Variants in THSD4 observed in about 807,000 individuals in gnomAD.
THSD4 encodes thrombospondin type 1 domain containing 4, also known as thrombospondin type-1 domain-containing protein 4.
In THSD4, 69 loss-of-function variants were observed where a neutral mutation model predicts 119.0. The ratio of observed to expected loss-of-function variants is 0.58; its 90% CI spans 0.48 to 0.71. The LOEUF (loss-of-function observed/expected upper bound fraction) is 0.71. Ranked by LOEUF, THSD4 falls within the 30% of genes least tolerant of loss-of-function variation. The pLI, the probability that THSD4 is intolerant of heterozygous loss-of-function variation, is 0.00. For synonymous variants in THSD4, 524 were observed against 540.4 expected (o/e 0.97, Z 0.42); for missense variants, 1,393 against 1,391.1 (o/e 1.00, Z -0.02).
chr15:71,248,009 A>G (rs951971602), intron 5 of THSD4, among the ~76,000 whole-genome samples: 1 of 152,244 alleles, frequency 6.6e-6, no homozygotes, highest in African/African-American at 2.4e-5. Context: ...TGATTGGCTC[A>G]TGCCTGTAAT....
intron 7 of THSD4, among the ~76,000 whole-genome samples, chr15:71,514,126 C>G (rs2048321087): frequency 6.6e-6 from 1 of 152,216 alleles, no homozygotes; most frequent in Admixed American, 6.5e-5. Context: ...TAGGGCCCCA[C>G]TGGCTACATC....
At chr15:71,429,798 GTC>G (rs944157176) in intron 7 of THSD4, among the ~76,000 whole-genome samples, 1 of 152,180 alleles carries the variant, frequency 6.6e-6, no homozygotes, top group African/African-American at 2.4e-5. Flanking sequence ...CATTAAACCA[GTC>G]TCTCATTCCT....
Position 71,524,426 on chromosome 15 carries a change from C to T in THSD4, c.1152+112603C>T, listed in dbSNP as rs568792273. Among the ~76,000 whole-genome samples the T allele has an allele frequency of 3.9e-5, 6 of 152,216 alleles. No individual in the cohort carries two copies. The South Asian group carries it at 1.0e-3, about 26-fold the overall frequency. On this transcript the variant is annotated intron_variant, in intron 7 of 17. Coordinates refer to ENST00000261862, the MANE Select transcript of THSD4 (RefSeq NM_024817.3). Reference sequence around the variant, plus strand: ...AGCAAGTATGTTTCACCCAGTGTGCCAACTCTGCTGCATTGGATGGCTGAC... The same window carrying T: ...AGCAAGTATGTTTCACCCAGTGTGCTAACTCTGCTGCATTGGATGGCTGAC...
At chr15:71,654,533 T>C (rs963288522) in intron 7 of THSD4, among the ~76,000 whole-genome samples, 2 of 152,210 alleles carry the variant, frequency 1.3e-5, no homozygotes, top group Non-Finnish European at 2.9e-5. Flanking sequence ...AAGAAGAATT[T>C]ACTGGATCAA....
chr15:71,219,233 G>A (rs1021680205), intron 4 of THSD4, among the ~76,000 whole-genome samples: 27 of 152,100 alleles, frequency 1.8e-4, no homozygotes, highest in Non-Finnish European at 3.2e-4. Context: ...TGACACCCAC[G>A]TCACACTCCA....
intron 3 of THSD4, among the ~76,000 whole-genome samples, chr15:71,211,484 A>C (rs1226844362): frequency 1.3e-5 from 2 of 151,872 alleles, no homozygotes; most frequent in African/African-American, 2.4e-5. Context: ...TCTCTTCCTT[A>C]CTCTGGTCTC....
At chr15:71,279,444 C>A (rs2044627164) in intron 6 of THSD4, among the ~76,000 whole-genome samples, 1 of 152,208 alleles carries the variant, frequency 6.6e-6, no homozygotes, top group Admixed American at 6.5e-5. Flanking sequence ...TGCTCTCCCA[C>A]CCTTGGTGAT....
intron 7 of THSD4, among the ~76,000 whole-genome samples, chr15:71,468,663 G>T (rs184690412): frequency 1.0e-3 from 155 of 152,304 alleles, no homozygotes; most frequent in African/African-American, 3.3e-3. Flanking sequence ...GTTTATTTCT[G>T]CCTCACGTTA....
chr15:71,559,565 CT>C (rs56166658), intron 7 of THSD4, among the ~76,000 whole-genome samples: 113 of 145,790 alleles, frequency 7.8e-4, no homozygotes, highest in South Asian at 8.6e-4. Context: ...TCTTTTCCTC[CT>C]TTTTTTTTTT....
intron 7 of THSD4, among the ~76,000 whole-genome samples, chr15:71,441,697 C>T (rs2047096208): frequency 6.6e-6 from 1 of 151,708 alleles, no homozygotes; most frequent in Non-Finnish European, 1.5e-5. Flanking sequence ...CCAGCCTCAC[C>T]TGTAGAACTT....
intron 6 of THSD4, among the ~76,000 whole-genome samples, chr15:71,362,570 T>C (rs887255657): frequency 2.0e-5 from 3 of 152,196 alleles, no homozygotes; most frequent in African/African-American, 7.2e-5. Context: ...GAAGCAAATA[T>C]GACAAAATGT....
At chr15:71,365,440 A>G (rs2045949322) in intron 6 of THSD4, among the ~76,000 whole-genome samples, 1 of 151,592 alleles carries the variant, frequency 6.6e-6, no homozygotes, top group Non-Finnish European at 1.5e-5. Context: ...CCATCCTTCT[A>G]CTCTGTCTTT....
At chr15:71,742,545 C>T (rs1484237973) in intron 11 of THSD4, among the ~76,000 whole-genome samples, 2 of 152,130 alleles carry the variant, frequency 1.3e-5, no homozygotes, top group South Asian at 2.1e-4. Flanking sequence ...TCAACATGTC[C>T]GCATATAAGG....
chr15:71,278,309 C>T (rs921721443), intron 6 of THSD4, among the ~76,000 whole-genome samples: 1 of 152,140 alleles, frequency 6.6e-6, no homozygotes, highest in African/African-American at 2.4e-5. Context: ...GATCCTCACA[C>T]CTCAGCCTCC....
chr15:71,648,903 A>T (rs1000427271), intron 7 of THSD4, among the ~76,000 whole-genome samples: 1 of 152,152 alleles, frequency 6.6e-6, no homozygotes, highest in Non-Finnish European at 1.5e-5. Context: ...CTCACAAGAG[A>T]TTTGTGAATT....
At chr15:71,465,716 T>A (rs1317204741) in intron 7 of THSD4, among the ~76,000 whole-genome samples, 1 of 152,216 alleles carries the variant, frequency 6.6e-6, no homozygotes, top group Non-Finnish European at 1.5e-5. Flanking sequence ...ATCTCATGGG[T>A]TATTTCCCAA....
At chr15:71,705,825 T>C (rs940382403) in intron 8 of THSD4, among the ~76,000 whole-genome samples, 2 of 152,142 alleles carry the variant, frequency 1.3e-5, no homozygotes, top group African/African-American at 4.8e-5. Flanking sequence ...GCAGTTCATA[T>C]AATGAGGGAG....
rs5813637 is a variant in THSD4 at position 71,479,180 on chromosome 15, CTTTTTTTTTTTTTT to C, written c.1152+67366_1152+67379del. Among the ~76,000 whole-genome samples the C allele has an allele frequency of 7.1e-3, 570 of 80,152 alleles. 16 individuals carry two copies. The highest frequency in any genetic ancestry group is 0.053 in the Admixed American group (356 of 6,744). The allele number at this position is 80,152 out of a possible 152,430, so 52.6% of individuals were successfully genotyped here. On this transcript the variant is annotated intron_variant, in intron 7 of 17. Transcript: ENST00000261862. ...CTTTTCTTTACTTTCTTTCTTCTGC[CTTTTTTTTTTTTTT>C]TTTTTTTTGTCAGGTGTTTTCAATG...
At chr15:71,610,959 A>G (rs2050213173) in intron 7 of THSD4, among the ~76,000 whole-genome samples, 1 of 151,828 alleles carries the variant, frequency 6.6e-6, no homozygotes, top group East Asian at 2.0e-4. Context: ...GCATATGTGT[A>G]TGGAAAGAAG....
Sources: gnomAD v4.1 joint callset for allele counts (sites outside exome capture counted in the v4.1 genomes callset) on GRCh38, gnomAD v4.1.1 for gene constraint, MANE v1.5 for transcripts, NCBI Gene and HGNC (gene_info 2026-07-23, HGNC 2026-07-21) for gene names.